ARHGAP44: variants seen among roughly 807,000 people sequenced by gnomAD.
The protein encoded by ARHGAP44 is rho GTPase-activating protein 44.
A neutral mutation model predicts 106.8 loss-of-function variants in ARHGAP44; 43 were observed. The ratio of observed to expected loss-of-function variants is 0.40; its 90% CI spans 0.32 to 0.52. ARHGAP44 has a LOEUF of 0.52. Ranked by LOEUF, ARHGAP44 falls within the 20% of genes least tolerant of loss-of-function variation. ARHGAP44 has a pLI of 0.48. For synonymous variants in ARHGAP44, 439 were observed against 410.3 expected (o/e 1.07, Z -0.85); for missense variants, 866 against 1,050.5 (o/e 0.82, Z 2.43).
intron 3 of ARHGAP44, among the ~76,000 whole-genome samples, chr17:12,900,905 A>G (rs2037354186): frequency 7.1e-6 from 1 of 141,542 alleles, no homozygotes; most frequent in Non-Finnish European, 1.5e-5. Flanking sequence ...AGACAGGAGA[A>G]AGTTTGGCTT....
intron 18 of ARHGAP44, among the ~76,000 whole-genome samples, chr17:12,974,851 A>AT (rs2039635746): frequency 1.1e-5 from 1 of 92,816 alleles, no homozygotes; most frequent in South Asian, 3.5e-4. Context: ...GGTGTCTCTC[A>AT]ATTTTTTTTT....
chr17:12,978,042 A>AAAAAAG (rs2039735489), intron 18 of ARHGAP44, among the ~76,000 whole-genome samples: 2 of 147,056 alleles, frequency 1.4e-5, no homozygotes, highest in Non-Finnish European at 3.0e-5. Flanking sequence ...ATCTCAAAAA[A>AAAAAAG]AAAAAAAAAA....
At chr17:12,817,128 C>T (rs1438969388) in intron 1 of ARHGAP44, among the ~76,000 whole-genome samples, 1 of 151,818 alleles carries the variant, frequency 6.6e-6, no homozygotes, top group Non-Finnish European at 1.5e-5. Flanking sequence ...ACTAGGAAAC[C>T]CCAAATGTCT....
chr17:12,974,347 T>G (rs976472830), intron 18 of ARHGAP44, 37 bp downstream of exon 18: 4 of 1,379,786 alleles, frequency 2.9e-6, no homozygotes, highest in Non-Finnish European at 3.7e-6. Flanking sequence ...CGGGCTGGTG[T>G]GCGGTGCAGG....
intron 1 of ARHGAP44, among the ~76,000 whole-genome samples, chr17:12,856,897 C>G (rs1597950127): frequency 6.6e-6 from 1 of 152,164 alleles, no homozygotes; most frequent in African/African-American, 2.4e-5. Context: ...GTTGCTCTTT[C>G]TGTGTATCCC....
chr17:12,862,211 C>G (rs1436121879), intron 1 of ARHGAP44, among the ~76,000 whole-genome samples: 1 of 152,098 alleles, frequency 6.6e-6, no homozygotes, highest in East Asian at 1.9e-4. Context: ...TGTCAGCCAC[C>G]TTGGATCTGT....
chr17:12,850,557 C>T (rs1406501023), intron 1 of ARHGAP44, among the ~76,000 whole-genome samples: 1 of 152,004 alleles, frequency 6.6e-6, no homozygotes, highest in Non-Finnish European at 1.5e-5. Context: ...TCTCCATTGG[C>T]CTCCACATCA....
intron 1 of ARHGAP44, among the ~76,000 whole-genome samples, chr17:12,809,729 A>G (rs897737281): frequency 2.0e-5 from 3 of 152,132 alleles, no homozygotes; most frequent in African/African-American, 4.8e-5. Context: ...CCAGGAGACT[A>G]ATTACGCAGT....
chr17:12,936,244 T>C, intron 7 of ARHGAP44, among the ~76,000 whole-genome samples: 1 of 152,200 alleles, frequency 6.6e-6, no homozygotes, highest in Non-Finnish European at 1.5e-5. Context: ...GGTTCACTCC[T>C]AGCGTTGTAT....
intron 16 of ARHGAP44, among the ~76,000 whole-genome samples, chr17:12,962,034 A>G (rs10521203): frequency 0.018 from 2,781 of 152,098 alleles, 83 homozygotes; most frequent in African/African-American, 0.064. Flanking sequence ...AAACCCTGAC[A>G]AATTAAAGCT....
chr17:12,808,248 G>A (rs1008785574), intron 1 of ARHGAP44, among the ~76,000 whole-genome samples: 5 of 152,204 alleles, frequency 3.3e-5, no homozygotes, highest in African/African-American at 1.2e-4. Flanking sequence ...GCGGTCAGTG[G>A]ATCTTCCATT....
intron 1 of ARHGAP44, among the ~76,000 whole-genome samples, chr17:12,816,876 A>C (rs924870411): frequency 3.9e-5 from 6 of 152,194 alleles, no homozygotes; most frequent in South Asian, 4.1e-4. Flanking sequence ...TAGCAAGGAC[A>C]TAGAAGAACT....
At chr17:12,973,699 G>A (rs1424090489) in intron 17 of ARHGAP44, 2 of 476,652 alleles carry the variant, frequency 4.2e-6, no homozygotes, top group Middle Eastern at 5.4e-4. Flanking sequence ...AGGAGTGAGT[G>A]TCCCTGCCCC....
intron 13 of ARHGAP44, 83 bp from the exon 14 acceptor site, chr17:12,955,784 T>G: frequency 2.6e-6 from 2 of 761,266 alleles, no homozygotes; most frequent in Admixed American, 2.3e-5. Flanking sequence ...ATATGTGACA[T>G]GAGAGAAGCT....
intron 10 of ARHGAP44, among the ~76,000 whole-genome samples, chr17:12,948,751 C>CACACACACACACACA (rs200024961): frequency 7.4e-5 from 11 of 147,862 alleles, no homozygotes; most frequent in South Asian, 2.1e-4. Flanking sequence ...CACACACACA[C>CACACACACACACACA]CCCCTGTAGA....
chr17:12,872,918 A>G (rs1383181661), intron 1 of ARHGAP44, among the ~76,000 whole-genome samples: 2 of 152,200 alleles, frequency 1.3e-5, no homozygotes, highest in Non-Finnish European at 2.9e-5. Flanking sequence ...CTGTGCTTAA[A>G]TTAGTCAATT....
At chr17:12,824,799 C>T (rs767913803) in intron 1 of ARHGAP44, among the ~76,000 whole-genome samples, 6 of 151,778 alleles carry the variant, frequency 4.0e-5, no homozygotes, top group Admixed American at 6.6e-5. Flanking sequence ...CCTTTTGCTT[C>T]TGCACTTCTC....
intron 3 of ARHGAP44, among the ~76,000 whole-genome samples, chr17:12,906,310 A>T (rs60223008): frequency 0.027 from 4,186 of 152,276 alleles, 176 homozygotes; most frequent in African/African-American, 0.093. Context: ...CACCAGGTGT[A>T]TGTCTTGCAA....
At chr17:12,877,958 T>C (rs1352363810) in intron 1 of ARHGAP44, among the ~76,000 whole-genome samples, 2 of 152,204 alleles carry the variant, frequency 1.3e-5, no homozygotes, top group Admixed American at 6.5e-5. Context: ...TTAAGGAAGA[T>C]ATTGCAAGAG....
Sources: allele counts gnomAD v4.1 joint callset (sites outside exome capture counted in the v4.1 genomes callset), GRCh38; gene constraint gnomAD v4.1.1; transcripts MANE v1.5; gene names NCBI Gene and HGNC (gene_info 2026-07-23, HGNC 2026-07-21).